The following NUMB variants were observed in gnomAD, a reference collection of about 807,000 sequenced individuals.
NUMB encodes the protein NUMB endocytic adaptor protein, also known as protein numb homolog.
In NUMB, 29 loss-of-function variants were observed where a neutral mutation model predicts 59.7. The observed-to-expected ratio is 0.49, with a 90% CI of 0.36 to 0.66. The LOEUF is 0.66. NUMB is among the 30% of genes least tolerant of loss of function. NUMB has a pLI of 0.00. For missense variants in NUMB, 723 were observed against 822.0 expected, an observed-to-expected ratio of 0.88 and a Z score of 1.47; for synonymous variants, 288 against 288.2, an observed-to-expected ratio of 1.00 and a Z score of 0.01.
In NUMB at chr14:73,276,588, A is replaced by C; in HGVS notation, c.1946T>G (p.Ile649Ser). 1.2e-6 allele frequency: 2 copies of C among 1,611,966 alleles called. No homozygotes were observed. The highest frequency in any genetic ancestry group is 1.7e-6 in the Non-Finnish European group (2 of 1,178,452). Reference protein sequence around the residue: ...FSSDLQKTFEIEL With the variant: ...FSSDLQKTFESEL ...AGCCATAATGATTGCTTAAAGTTCAATTTCAAACGTCTTCTGTAAGTCACT... is the reference window on the plus strand; with the variant it reads ...AGCCATAATGATTGCTTAAAGTTCACTTTCAAACGTCTTCTGTAAGTCACT... The change falls in exon 13 of 13, where the codon ATT (isoleucine) becomes AGT (serine). Residue 649 changes from isoleucine (I) to serine (S), a missense_variant. Around this residue, in one of 2 missense-constraint regions of NUMB, gnomAD observed 406 missense variants for 385.4 expected, o/e 1.05. Transcript: ENST00000555238.
At chr14:73,314,523 T>C (rs1411704548) in intron 6 of NUMB, among the ~76,000 whole-genome samples, 1 of 152,116 alleles carries the variant, frequency 6.6e-6, no homozygotes, top group Non-Finnish European at 1.5e-5. Context: ...ATGGCCCCAT[T>C]ATACGTAGCA....
At chr14:73,378,309 C>T (rs995321994) in intron 2 of NUMB, among the ~76,000 whole-genome samples, 1 of 152,134 alleles carries the variant, frequency 6.6e-6, no homozygotes, top group African/African-American at 2.4e-5. Flanking sequence ...GATGGGAATG[C>T]AAAATGGCAC....
At chr14:73,306,226 G>A (rs1012215896) in intron 6 of NUMB, among the ~76,000 whole-genome samples, 5 of 152,166 alleles carry the variant, frequency 3.3e-5, no homozygotes, top group African/African-American at 9.7e-5. Flanking sequence ...GAAAACACAA[G>A]GATGGAGCAT....
intron 2 of NUMB, among the ~76,000 whole-genome samples, chr14:73,379,988 A>T (rs1015630297): frequency 1.3e-5 from 2 of 152,200 alleles, no homozygotes; most frequent in African/African-American, 4.8e-5. Flanking sequence ...TTATAAATAG[A>T]TCATAAAACA....
intron 6 of NUMB, among the ~76,000 whole-genome samples, chr14:73,309,198 A>C (rs191445277): frequency 6.6e-6 from 1 of 152,190 alleles, no homozygotes; most frequent in Non-Finnish European, 1.5e-5. Context: ...ATATGAGCAC[A>C]GATGCACTTT....
intron 2 of NUMB, among the ~76,000 whole-genome samples, chr14:73,397,047 C>A (rs1390018237): frequency 1.3e-5 from 2 of 152,080 alleles, no homozygotes; most frequent in African/African-American, 4.8e-5. Context: ...ACACTTGAAC[C>A]CGGGAGGCAG....
intron 2 of NUMB, among the ~76,000 whole-genome samples, chr14:73,377,691 G>A (rs1327201581): frequency 1.3e-5 from 2 of 152,040 alleles, no homozygotes; most frequent in African/African-American, 2.4e-5. Flanking sequence ...ATAGGGCCGG[G>A]CATGGTGGCT....
rs1168602150 is a variant in NUMB at position 73,315,955 on chromosome 14, C to T, written c.234+435G>A. Among the ~76,000 whole-genome samples the T allele has an allele frequency of 2.6e-5, 4 of 152,166 alleles. No individual in the cohort carries two copies. In the East Asian group the frequency reaches 5.8e-4, roughly 22 times the overall value. On this transcript the variant is annotated intron_variant, in intron 6 of 12. Coordinates refer to ENST00000555238, the MANE Select transcript of NUMB (RefSeq NM_001005743.2). ...AGGCTGGAGTGCAGTGGCGTGATCT[C>T]GGCTCACTGCAACCTCCACCTCTTG...
intron 1 of NUMB, among the ~76,000 whole-genome samples, chr14:73,438,750 G>A (rs1418351856): frequency 3.3e-5 from 5 of 150,540 alleles, no homozygotes; most frequent in African/African-American, 4.9e-5. Context: ...TATGCACGAA[G>A]AAAAAACAGA....
intron 2 of NUMB, among the ~76,000 whole-genome samples, chr14:73,390,047 G>GA (rs995840252): frequency 6.6e-6 from 1 of 151,988 alleles, no homozygotes; most frequent in Non-Finnish European, 1.5e-5. Context: ...GATGAGAAAA[G>GA]AAAAAATATA....
intron 6 of NUMB, among the ~76,000 whole-genome samples, chr14:73,312,983 G>C (rs1012146657): frequency 3.3e-5 from 5 of 151,128 alleles, no homozygotes; most frequent in African/African-American, 1.2e-4. Context: ...CTCTACTAGT[G>C]GTATGTCTTT....
chr14:73,393,949 G>T (rs1321719658), intron 2 of NUMB, among the ~76,000 whole-genome samples: 1 of 152,062 alleles, frequency 6.6e-6, no homozygotes, highest in African/African-American at 2.4e-5. Context: ...TTTTGTTAAG[G>T]TATAGTTGAC....
rs544843272 is a variant in NUMB at position 73,314,699 on chromosome 14, A to T, written c.234+1691T>A. On this transcript the variant is annotated intron_variant, in intron 6 of 12. Transcript: ENST00000555238. ...TTTGCTATAACCTGACCTTCATCTTATCTATGACGCCTTATCTTATATAGC... is the reference window on the plus strand; with the variant it reads ...TTTGCTATAACCTGACCTTCATCTTTTCTATGACGCCTTATCTTATATAGC... Among the ~76,000 whole-genome samples, 5 of 152,148 alleles carry T rather than the reference A, an allele frequency of 3.3e-5. No homozygotes were observed. In the South Asian group the frequency reaches 1.0e-3, roughly 32 times the overall value.
At chr14:73,292,609 A>T in intron 8 of NUMB, 125 bp downstream of exon 8, 1 of 798,332 alleles carries the variant, frequency 1.3e-6, no homozygotes, top group African/African-American at 1.7e-5. Flanking sequence ...AGCTGAAAGT[A>T]GGCTAGTTTA....
intron 5 of NUMB, among the ~76,000 whole-genome samples, chr14:73,318,179 TC>T (rs1215547663): frequency 6.6e-6 from 1 of 152,202 alleles, no homozygotes; most frequent in African/African-American, 2.4e-5. Context: ...TATTCACCAT[TC>T]TTGAGGGATG....
chr14:73,425,677 A>G (rs2140159221), intron 1 of NUMB, among the ~76,000 whole-genome samples: 1 of 152,336 alleles, frequency 6.6e-6, no homozygotes, highest in Admixed American at 6.5e-5. Flanking sequence ...TAACTACTAT[A>G]TATAGAGCAC....
intron 11 of NUMB, among the ~76,000 whole-genome samples, 171 bp from the exon 12 acceptor site, chr14:73,279,595 G>A (rs1445091362): frequency 6.6e-6 from 1 of 152,220 alleles, no homozygotes; most frequent in Non-Finnish European, 1.5e-5. Flanking sequence ...ATACCATTAG[G>A]CAAAGAAGCA....
At chr14:73,350,072 CAT>C (rs1290970774) in intron 4 of NUMB, among the ~76,000 whole-genome samples, 7 of 122,422 alleles carry the variant, frequency 5.7e-5, no homozygotes, top group Admixed American at 1.6e-4. Flanking sequence ...TACATACATA[CAT>C]ACATACACAC....
At chr14:73,305,141 T>C (rs1890356288) in intron 6 of NUMB, among the ~76,000 whole-genome samples, 1 of 152,214 alleles carries the variant, frequency 6.6e-6, no homozygotes, top group Non-Finnish European at 1.5e-5. Context: ...CAAAATATTT[T>C]AGGCTTTTCA....
Sources: gnomAD v4.1 joint callset for allele counts (sites outside exome capture counted in the v4.1 genomes callset) on GRCh38, gnomAD v4.1.1 for gene constraint, gnomAD v4.1.1 regional missense constraint, MANE v1.5 for transcripts, NCBI Gene and HGNC (gene_info 2026-07-23, HGNC 2026-07-21) for gene names.